The following LINGO2 variants were observed in gnomAD, a reference collection of about 807,000 sequenced individuals.
LINGO2 encodes leucine rich repeat and Ig domain containing 2, also known as leucine-rich repeat and immunoglobulin-like domain-containing nogo receptor-interacting protein 2.
LINGO2 carries 14 observed loss-of-function variants against 30.6 expected under a neutral mutation model. That is an observed-to-expected ratio of 0.46 (90% CI 0.30 to 0.72). LINGO2 has a LOEUF of 0.72. Among genes scored for constraint, LINGO2 ranks in the 30% least tolerant of loss-of-function variants. The pLI is 0.07. For synonymous variants in LINGO2, 317 were observed against 288.5 expected, an observed-to-expected ratio of 1.10 and a Z score of -1.00; for missense variants, 729 against 751.7, an observed-to-expected ratio of 0.97 and a Z score of 0.35.
At chr9:28,883,759 C>A in the LINGO2 span, among the ~76,000 whole-genome samples, 4 of 147,546 alleles carry the variant, frequency 2.7e-5, no homozygotes, top group African/African-American at 1.0e-4. Context: ...CTCACTGCAA[C>A]CTCCACCTCC....
chr9:29,190,657 A>G, the LINGO2 span, among the ~76,000 whole-genome samples: 1 of 152,192 alleles, frequency 6.6e-6, no homozygotes, highest in African/African-American at 2.4e-5. Flanking sequence ...AAAAGTATAA[A>G]ACAAATATCA....
chr9:28,228,073 C>A (rs1821233136), intron 4 of LINGO2, among the ~76,000 whole-genome samples: 1 of 151,900 alleles, frequency 6.6e-6, no homozygotes, highest in Non-Finnish European at 1.5e-5. Flanking sequence ...CCTAATGATT[C>A]CATCTAATTA....
chr9:28,749,585 T>C, the LINGO2 span, among the ~76,000 whole-genome samples: 2 of 151,408 alleles, frequency 1.3e-5, no homozygotes, highest in Non-Finnish European at 2.9e-5. Context: ...ACCAAAGAGT[T>C]TAATCAGCAT....
intron 1 of LINGO2, among the ~76,000 whole-genome samples, chr9:28,560,968 C>T (rs931159999): frequency 6.6e-6 from 1 of 152,010 alleles, no homozygotes. Context: ...AGCCACCACA[C>T]CTGGCCTCAT....
At chr9:28,047,451 A>G (rs188532369) in intron 4 of LINGO2, among the ~76,000 whole-genome samples, 1 of 151,572 alleles carries the variant, frequency 6.6e-6, no homozygotes, top group Admixed American at 6.6e-5. Flanking sequence ...ACTATAGCAC[A>G]GTAACTTTTT....
intron 3 of LINGO2, among the ~76,000 whole-genome samples, chr9:28,307,322 C>G (rs1468953003): frequency 2.0e-5 from 3 of 152,086 alleles, no homozygotes; most frequent in Non-Finnish European, 4.4e-5. Flanking sequence ...GAACCAAAGA[C>G]AAAAACCACA....
rs553542128 is a variant in LINGO2, at chr9:28,402,219, AT to A, written c.-278-29352del. 1.8e-3 allele frequency among the ~76,000 whole-genome samples: 276 copies of A among 151,388 alleles called. 1 individual carries two copies. Among genetic ancestry groups the A allele is most frequent in the African/African-American group, 6.3e-3 (262 of 41,314 alleles). ...TAGCCACACAACTAAAGAAAAAACA[AT>A]AACTTAGGATAGGCATTATGAAACA... On this transcript the variant is annotated intron_variant, in intron 2 of 5. Transcript: ENST00000379992.
At chr9:27,975,452 G>A (rs1278855690) in intron 5 of LINGO2, among the ~76,000 whole-genome samples, 1 of 152,002 alleles carries the variant, frequency 6.6e-6, no homozygotes, top group Admixed American at 6.6e-5. Flanking sequence ...TTTCCATGAT[G>A]TAAATATTTT....
At chr9:28,408,775 AAAAAAAAAAAAAC>A (rs1235061887) in intron 2 of LINGO2, among the ~76,000 whole-genome samples, 16 of 16,504 alleles carry the variant, frequency 9.7e-4, no homozygotes, top group East Asian at 3.0e-3. Context: ...ATAAAAAAAC[AAAAAAAAAAAAAC>A]AAAAAAAAAC....
intron 4 of LINGO2, among the ~76,000 whole-genome samples, chr9:28,060,629 T>C (rs1209562803): frequency 6.6e-6 from 1 of 152,168 alleles, no homozygotes; most frequent in Non-Finnish European, 1.5e-5. Context: ...AACGACAGGC[T>C]AACTTTCCCT....
In LINGO2 at chr9:28,376,566, C is replaced by A. The variant is rs78956423; in HGVS notation, c.-278-3698G>T. 5.5e-3 allele frequency among the ~76,000 whole-genome samples: 844 copies of A among 152,278 alleles called. 27 individuals are homozygous for A. In the East Asian group the frequency reaches 0.098, roughly 18 times the overall value. On this transcript the variant is annotated intron_variant, in intron 2 of 5. Coordinates refer to ENST00000379992, the Ensembl canonical transcript of LINGO2. ...TTCTCTGGGAATTTTCCACCTTCCA[C>A]CCGAGGGAACTGCCTTGACCAAGAC...
chr9:29,134,016 T>C, the LINGO2 span, among the ~76,000 whole-genome samples: 1 of 152,186 alleles, frequency 6.6e-6, no homozygotes, highest in Non-Finnish European at 1.5e-5. Flanking sequence ...CTATACTTAA[T>C]AGCTTTAATC....
At chr9:29,167,315 G>A in the LINGO2 span, among the ~76,000 whole-genome samples, 415 of 152,198 alleles carry the variant, frequency 2.7e-3, no homozygotes, top group Non-Finnish European at 4.6e-3. Flanking sequence ...TATTCATAAT[G>A]CAGGAAATGT....
chr9:29,194,999 G>T, the LINGO2 span, among the ~76,000 whole-genome samples: 16 of 152,046 alleles, frequency 1.1e-4, no homozygotes, highest in African/African-American at 3.9e-4. Flanking sequence ...AACACTTCAA[G>T]GAATGTTTGT....
chr9:29,188,651 C>T, the LINGO2 span, among the ~76,000 whole-genome samples: 1,096 of 141,088 alleles, frequency 7.8e-3, 3 homozygotes, highest in Middle Eastern at 0.022. Flanking sequence ...TAGGGGCGGC[C>T]GGGCAGAAGC....
chr9:28,682,275 T>G, the LINGO2 span, among the ~76,000 whole-genome samples: 1 of 152,178 alleles, frequency 6.6e-6, no homozygotes, highest in Non-Finnish European at 1.5e-5. Flanking sequence ...GGAAAAAAGC[T>G]CATGGAACCT....
chr9:29,076,968 T>C, the LINGO2 span, among the ~76,000 whole-genome samples: 1 of 152,140 alleles, frequency 6.6e-6, no homozygotes, highest in South Asian at 2.1e-4. Context: ...TTAACTGCTG[T>C]AGACTACAAT....
chr9:28,146,866 C>T, intron 4 of LINGO2, among the ~76,000 whole-genome samples: 1 of 152,190 alleles, frequency 6.6e-6, no homozygotes, highest in East Asian at 1.9e-4. Flanking sequence ...TAGACACATT[C>T]CAGGAAGACC....
chr9:29,111,632 T>C, the LINGO2 span, among the ~76,000 whole-genome samples: 35,652 of 151,662 alleles, frequency 0.24, 4,344 homozygotes, highest in East Asian at 0.41. Context: ...GTGGCCTATG[T>C]GAAAGCCATT....
Sources: gnomAD v4.1 joint callset for allele counts (sites outside exome capture counted in the v4.1 genomes callset) on GRCh38, gnomAD v4.1.1 for gene constraint, MANE v1.5 for transcripts, NCBI Gene and HGNC (gene_info 2026-07-23, HGNC 2026-07-21) for gene names.